DEFB119: variants seen among roughly 807,000 people sequenced by gnomAD.
DEFB119 encodes defensin beta 119.
A neutral mutation model predicts 2.5 loss-of-function variants in DEFB119; 3 were observed. That is an observed-to-expected ratio of 1.19 (90% CI 0.54 to 3.07). DEFB119 has a LOEUF of 3.07. DEFB119 is among the 30% of genes most tolerant of loss of function. The pLI is 0.03. For missense variants in DEFB119, 113 were observed against 101.1 expected, an observed-to-expected ratio of 1.12 and a Z score of -0.50; for synonymous variants, 29 against 33.7, an observed-to-expected ratio of 0.86 and a Z score of 0.48.
intron 1 of DEFB119, among the ~76,000 whole-genome samples, chr20:31,377,655 T>C (rs1410718646): frequency 1.3e-5 from 2 of 152,054 alleles, no homozygotes; most frequent in Non-Finnish European, 2.9e-5. Context: ...TGTATATGTG[T>C]GTGTGTGTGT....
chr20:31,385,359 A>G (rs1986653557), intron 1 of DEFB119, among the ~76,000 whole-genome samples: 1 of 140,866 alleles, frequency 7.1e-6, no homozygotes, highest in South Asian at 2.4e-4. Flanking sequence ...AAGAAACAAG[A>G]CAAATAACAA....
At chr20:31,380,068 AC>A (rs936305435) in intron 1 of DEFB119, among the ~76,000 whole-genome samples, 17 of 152,232 alleles carry the variant, frequency 1.1e-4, no homozygotes, top group African/African-American at 4.1e-4. Context: ...TGTCTTTTCA[AC>A]CATCCTCTTC....
chr20:31,388,237 C>T (rs1480169140), intron 1 of DEFB119: 3 of 985,222 alleles, frequency 3.0e-6, no homozygotes, highest in East Asian at 1.1e-4. Flanking sequence ...CAGACTCTAA[C>T]ACAGTTGGAA....
intron 1 of DEFB119, chr20:31,389,156 G>A (rs190164254): frequency 1.2e-5 from 19 of 1,614,218 alleles, no homozygotes; most frequent in African/African-American, 4.0e-5. Context: ...CACCGTTTAC[G>A]ATTTCGGCAG....
At chr20:31,388,951 T>C (rs1986815196) in intron 1 of DEFB119, 5 of 1,566,918 alleles carry the variant, frequency 3.2e-6, no homozygotes, top group African/African-American at 1.4e-5. Context: ...TTCCTTATGA[T>C]TGACAGACAC....
intron 1 of DEFB119, among the ~76,000 whole-genome samples, chr20:31,378,016 G>C (rs545120055): frequency 5.9e-5 from 9 of 152,300 alleles, no homozygotes; most frequent in African/African-American, 2.2e-4. Flanking sequence ...CTGTAAGGAG[G>C]TGTAACCTCC....
At chr20:31,387,967 C>T in intron 1 of DEFB119, 1 of 735,378 alleles carries the variant, frequency 1.4e-6, no homozygotes, top group Non-Finnish European at 1.7e-6. Flanking sequence ...TGATAATGAA[C>T]TCCTTCTGTC....
At chr20:31,387,708 C>T (rs928004716) in intron 1 of DEFB119, among the ~76,000 whole-genome samples, 6 of 152,084 alleles carry the variant, frequency 3.9e-5, no homozygotes, top group African/African-American at 1.4e-4. Flanking sequence ...CAGGGAGGGA[C>T]CTTGAGGAAA....
chr20:31,389,020 C>G (rs769628042), intron 1 of DEFB119: 1 of 1,613,574 alleles, frequency 6.2e-7, no homozygotes, highest in Non-Finnish European at 8.5e-7. Context: ...GAAACAAAGT[C>G]ATTTCTATCT....
rs1986337929 is a variant in DEFB119, at chr20:31,377,371, G to A, written c.130C>T (p.Gln44Ter). 6.2e-7 allele frequency: 1 copy of A among 1,614,080 alleles called. No individual in the cohort carries two copies. The highest frequency in any genetic ancestry group is 1.3e-5 in the African/African-American group (1 of 75,022). The change falls in exon 2 of 2, where the codon CAG becomes TAG. Residue 44 changes from glutamine (Q) to a stop codon, truncating the protein, a stop_gained. Transcript: ENST00000376321. LOFTEE classifies it low-confidence loss of function (END_TRUNC). ...CAATTTCTGCAATAGAGGTAGGGCT[G>A]TTCGTTCTTTTTGCAAGAGGCCCTA... ...ICRASCKKNEQPYLYCRNCQS... is the reference protein window; with the variant it reads ...ICRASCKKNE
intron 1 of DEFB119, among the ~76,000 whole-genome samples, chr20:31,390,047 A>G (rs1201001908): frequency 6.6e-6 from 1 of 151,768 alleles, no homozygotes; most frequent in Non-Finnish European, 1.5e-5. Flanking sequence ...CCTCCAGCTC[A>G]TCCTAATATT....
chr20:31,388,953 G>C lies in DEFB119; in HGVS notation c.61+1470C>G, dbSNP rs111410523. 3,372 of 1,515,698 alleles carry C rather than the reference G, an allele frequency of 2.2e-3. 50 individuals are homozygous for C. The African/African-American group carries it at 0.042, about 19-fold the overall frequency. The allele number at this position is 1,515,698 out of a possible 1,614,324, so 93.9% of individuals were successfully genotyped here. A position where few individuals can be genotyped will look rare whatever the true frequency, so the allele number is the denominator to read the frequency against. ...ATTTGAAGTATCATTCCTTATGATT[G>C]ACAGACACCAGAAACAAATTTGTGA... is the stretch of plus-strand genomic sequence containing the variant. On this transcript the variant is annotated intron_variant, in intron 1 of 1. Transcript: ENST00000376321.
chr20:31,388,369 A>T, intron 1 of DEFB119: 1 of 939,166 alleles, frequency 1.1e-6, no homozygotes, highest in Non-Finnish European at 1.3e-6. Flanking sequence ...CCTGAAATAG[A>T]TTCTACAATT....
chr20:31,379,944 C>A (rs1009790421), intron 1 of DEFB119, among the ~76,000 whole-genome samples: 1 of 152,262 alleles, frequency 6.6e-6, no homozygotes, highest in Non-Finnish European at 1.5e-5. Flanking sequence ...GGATTACAGG[C>A]GTGAGCCACC....
intron 1 of DEFB119, among the ~76,000 whole-genome samples, chr20:31,389,781 A>G (rs999932963): frequency 3.9e-5 from 6 of 151,936 alleles, no homozygotes; most frequent in Admixed American, 1.3e-4. Flanking sequence ...GCCTTACTCA[A>G]CTCAATGCCC....
intron 1 of DEFB119, among the ~76,000 whole-genome samples, chr20:31,384,125 C>T (rs564955390): frequency 8.5e-5 from 13 of 152,134 alleles, no homozygotes; most frequent in Admixed American, 2.6e-4. Flanking sequence ...AAAGTAAACC[C>T]ACTGAGAGAC....
rs373357907 is a variant in DEFB119, at chr20:31,385,618, G to C, written c.61+4805C>G. Among the ~76,000 whole-genome samples the C allele has an allele frequency of 2.6e-5, 4 of 152,280 alleles. No homozygotes were observed. The East Asian group carries it at 7.7e-4, about 29-fold the overall frequency. ...GTGGTGGCTCATGACTGTAATCCCA[G>C]CACTTTGGGATGCTGAGGCAGGTGG... On this transcript the variant is annotated intron_variant, in intron 1 of 1. Transcript: ENST00000376321.
chr20:31,390,324 G>T, intron 1 of DEFB119, 99 bp downstream of exon 1: 1 of 1,130,462 alleles, frequency 8.8e-7, no homozygotes, highest in Non-Finnish European at 1.3e-6. Flanking sequence ...AGCTGCAGGA[G>T]AGAAGGAAAG....
rs781343809 is a variant in DEFB119 at position 31,377,319 on chromosome 20, A to G, written c.182T>C (p.Met61Thr). ...NCQSCCLQSY[M>T]RISISGKEEN... Reference sequence around the variant, plus strand: ...CTCTTTGCCAGAAATGCTTATCCTCATGTAGGACTGGAGGCAGCAGGACTG... The same window carrying G: ...CTCTTTGCCAGAAATGCTTATCCTCGTGTAGGACTGGAGGCAGCAGGACTG... The change falls in exon 2 of 2, where the codon ATG becomes ACG. Residue 61 changes from methionine to threonine, a missense_variant. Transcript: ENST00000376321. 3 of 1,613,916 alleles carry G rather than the reference A, an allele frequency of 1.9e-6. No individual in the cohort carries two copies.
Sources: gnomAD v4.1 joint callset for allele counts (sites outside exome capture counted in the v4.1 genomes callset) on GRCh38, gnomAD v4.1.1 for gene constraint, MANE v1.5 for transcripts, NCBI Gene and HGNC (gene_info 2026-07-23, HGNC 2026-07-21) for gene names.